Variants in FBXL17 observed in about 807,000 individuals in gnomAD.
FBXL17 encodes the protein F-box/LRR-repeat protein 17.
FBXL17 carries 22 observed loss-of-function variants against 66.2 expected under a neutral mutation model. The observed-to-expected ratio is 0.33, with a 90% confidence interval of 0.24 to 0.47. The LOEUF is 0.47. Among genes scored for constraint, FBXL17 ranks in the 20% least tolerant of loss-of-function variants. The pLI is 1.00. For synonymous variants in FBXL17, 474 were observed against 400.5 expected, an observed-to-expected ratio of 1.18 and a Z score of -2.19; for missense variants, 878 against 948.2, an observed-to-expected ratio of 0.93 and a Z score of 0.97.
intron 6 of FBXL17, among the ~76,000 whole-genome samples, chr5:108,169,926 G>A (rs1428370830): frequency 2.6e-5 from 4 of 151,998 alleles, no homozygotes; most frequent in African/African-American, 9.7e-5. Context: ...CACAATTCCT[G>A]GCTATAGTTT....
intron 7 of FBXL17, among the ~76,000 whole-genome samples, chr5:108,020,372 A>G (rs530384638): frequency 1.5e-4 from 23 of 151,960 alleles, no homozygotes; most frequent in Non-Finnish European, 2.5e-4. Flanking sequence ...GTAGAAAACA[A>G]CTTGCTTTTC....
At chr5:108,356,636 T>A (rs1230119624) in intron 3 of FBXL17, among the ~76,000 whole-genome samples, 1 of 151,758 alleles carries the variant, frequency 6.6e-6, no homozygotes, top group African/African-American at 2.4e-5. Flanking sequence ...ACAAAGACAA[T>A]AAAAACATCA....
At chr5:108,235,352 G>GT (rs2150091765) in intron 4 of FBXL17, among the ~76,000 whole-genome samples, 1 of 152,170 alleles carries the variant, frequency 6.6e-6, no homozygotes, top group African/African-American at 2.4e-5. Flanking sequence ...ACTAAATCTC[G>GT]TAACAATGGC....
intron 7 of FBXL17, among the ~76,000 whole-genome samples, chr5:108,016,395 T>C (rs1754387610): frequency 6.6e-6 from 1 of 152,158 alleles, no homozygotes; most frequent in Non-Finnish European, 1.5e-5. Flanking sequence ...TATTTGAGTG[T>C]TTCCAGTCCT....
intron 6 of FBXL17, among the ~76,000 whole-genome samples, chr5:108,023,977 T>C (rs1754699567): frequency 6.6e-6 from 1 of 152,224 alleles, no homozygotes; most frequent in African/African-American, 2.4e-5. Context: ...TCATTAATCA[T>C]AGTCATGAAT....
intron 3 of FBXL17, among the ~76,000 whole-genome samples, chr5:108,350,530 T>G (rs147915208): frequency 6.6e-6 from 1 of 152,076 alleles, no homozygotes; most frequent in Non-Finnish European, 1.5e-5. Flanking sequence ...ATGACAAAAA[T>G]AGACACATGG....
At chr5:108,225,513 C>A (rs1436458831) in intron 4 of FBXL17, among the ~76,000 whole-genome samples, 1 of 152,144 alleles carries the variant, frequency 6.6e-6, no homozygotes, top group African/African-American at 2.4e-5. Flanking sequence ...CATGTGAAGA[C>A]TGGAGTTATG....
At chr5:108,285,376 ATT>A (rs1757859056) in intron 4 of FBXL17, among the ~76,000 whole-genome samples, 1 of 151,848 alleles carries the variant, frequency 6.6e-6, no homozygotes, top group Admixed American at 6.6e-5. Context: ...CAGGTTTTCA[ATT>A]TACTTTGCCA....
chr5:107,896,836 A>G (rs1313433783), intron 7 of FBXL17, among the ~76,000 whole-genome samples: 1 of 113,330 alleles, frequency 8.8e-6, no homozygotes, highest in Non-Finnish European at 1.8e-5. Flanking sequence ...CAGCTAGGCC[A>G]GCAGGCATGA....
chr5:108,107,102 C>A (rs546678599), intron 6 of FBXL17, among the ~76,000 whole-genome samples: 2 of 152,078 alleles, frequency 1.3e-5, no homozygotes, highest in Non-Finnish European at 1.5e-5. Context: ...GACAGAGTCT[C>A]ACTCTGTCAC....
At chr5:107,880,859 C>G (rs1361670638) in intron 8 of FBXL17, 178 bp downstream of exon 8, 1 of 1,397,972 alleles carries the variant, frequency 7.2e-7, no homozygotes, top group Non-Finnish European at 9.3e-7. Context: ...AAGATAATCT[C>G]AGATTAGTTT....
At chr5:108,175,651 T>C (rs1250720290) in intron 6 of FBXL17, among the ~76,000 whole-genome samples, 11 of 152,226 alleles carry the variant, frequency 7.2e-5, no homozygotes, top group Admixed American at 7.2e-4. Flanking sequence ...TCTTCATGTC[T>C]TCAGGAAACA....
chr5:107,864,169 C>G (rs1309480553), intron 8 of FBXL17, among the ~76,000 whole-genome samples: 1 of 152,052 alleles, frequency 6.6e-6, no homozygotes, highest in African/African-American at 2.4e-5. Context: ...TATAAAAAGC[C>G]CACCATACAG....
intron 7 of FBXL17, among the ~76,000 whole-genome samples, chr5:107,921,177 G>C (rs532087338): frequency 3.5e-4 from 53 of 152,310 alleles, no homozygotes; most frequent in African/African-American, 1.3e-3. Context: ...ATTTAAATGG[G>C]AATGGGGGAG....
chr5:108,282,432 T>C (rs1447430797), intron 4 of FBXL17, among the ~76,000 whole-genome samples: 4 of 151,872 alleles, frequency 2.6e-5, no homozygotes, highest in African/African-American at 9.7e-5. Flanking sequence ...ATCATCTCAT[T>C]AGATGCAGAA....
chr5:108,094,489 C>T (rs1272405834), intron 6 of FBXL17, among the ~76,000 whole-genome samples: 1 of 152,088 alleles, frequency 6.6e-6, no homozygotes, highest in Non-Finnish European at 1.5e-5. Context: ...TCCATATTCA[C>T]ATCCATTCCA....
At chr5:107,880,081 G>A in intron 8 of FBXL17, 1 of 262,024 alleles carries the variant, frequency 3.8e-6, no homozygotes, top group Non-Finnish European at 5.9e-6. Flanking sequence ...TTTTTTGTTT[G>A]TTTGGGACAC....
intron 6 of FBXL17, among the ~76,000 whole-genome samples, chr5:108,059,855 A>G (rs1036593429): frequency 2.6e-5 from 4 of 151,970 alleles, no homozygotes; most frequent in African/African-American, 9.7e-5. Flanking sequence ...AACTTGGGGG[A>G]AAAATTAAGT....
intron 7 of FBXL17, among the ~76,000 whole-genome samples, chr5:107,946,191 A>AT (rs1259982344): frequency 6.9e-6 from 1 of 145,048 alleles, no homozygotes; most frequent in Admixed American, 7.0e-5. Flanking sequence ...GTGTAATTAA[A>AT]TTAAGGCATT....
Sources: allele counts gnomAD v4.1 joint callset (sites outside exome capture counted in the v4.1 genomes callset), GRCh38; gene constraint gnomAD v4.1.1; transcripts MANE v1.5; gene names NCBI Gene and HGNC (gene_info 2026-07-23, HGNC 2026-07-21).